Variants in FANCB observed in about 807,000 individuals in gnomAD.
FANCB encodes the protein Fanconi anemia group B protein.
A neutral mutation model predicts 38.9 loss-of-function variants in FANCB; 5 were observed. The ratio of observed to expected loss-of-function variants is 0.13; its 90% CI spans 0.07 to 0.27. The LOEUF (loss-of-function observed/expected upper bound fraction) is 0.27. Ranked by LOEUF, FANCB falls within the 10% of genes least tolerant of loss-of-function variation. FANCB has a pLI of 1.00. For synonymous variants in FANCB, 236 were observed against 215.4 expected (o/e 1.10, Z -0.84); for missense variants, 573 against 602.7 (o/e 0.95, Z 0.52).
chrX:14,860,264 C>A (rs1351356593), intron 3 of FANCB, among the ~76,000 whole-genome samples: 1 of 112,019 alleles, frequency 8.9e-6, no homozygotes, highest in Non-Finnish European at 1.9e-5. Flanking sequence ...GAAAGTAAGG[C>A]TCTTCAACCC....
chrX:14,756,312 A>G, the FANCB span, among the ~76,000 whole-genome samples: 7 of 112,136 alleles, frequency 6.2e-5, no homozygotes, highest in South Asian at 1.8e-3. Flanking sequence ...AAAAGCAAAT[A>G]TAGACAAACA....
the FANCB span, among the ~76,000 whole-genome samples, chrX:14,804,987 C>T: frequency 8.9e-6 from 1 of 111,846 alleles, no homozygotes; most frequent in East Asian, 2.8e-4. Context: ...ACTAAACTTA[C>T]GTTTCCCTAA....
chrX:14,864,534 A>AATC (rs979548517), intron 3 of FANCB, 26 bp downstream of exon 3: 5 of 978,800 alleles, frequency 5.1e-6, no homozygotes, highest in Non-Finnish European at 7.3e-6. Context: ...CCACCAACTG[A>AATC]ATTATTATTA....
chrX:14,810,960 C>T, the FANCB span, among the ~76,000 whole-genome samples: 26 of 112,107 alleles, frequency 2.3e-4, no homozygotes, highest in African/African-American at 5.5e-4. Context: ...AGACTAACAG[C>T]GGATCTCTCG....
the FANCB span, among the ~76,000 whole-genome samples, chrX:14,741,273 T>C: frequency 9.0e-6 from 1 of 111,526 alleles, no homozygotes; most frequent in African/African-American, 3.3e-5. Flanking sequence ...GATAAACATT[T>C]TCTAAAGTGT....
At chrX:14,720,699 A>G in the FANCB span, among the ~76,000 whole-genome samples, 8 of 111,822 alleles carry the variant, frequency 7.2e-5, no homozygotes, top group East Asian at 2.2e-3. Context: ...TTCTTTTTCT[A>G]TAAGAAGGGG....
the FANCB span, chrX:14,730,891 TACACACACACACACACACACACACACAC>T: frequency 0.02 from 1,940 of 97,798 alleles, 55 homozygotes; most frequent in African/African-American, 0.079. Flanking sequence ...AAGTTAGCTA[TACACACACACACACACACACACACACAC>T]ACACACACAC....
chrX:14,715,668 G>C, the FANCB span, among the ~76,000 whole-genome samples: 1 of 111,482 alleles, frequency 9.0e-6, no homozygotes, highest in Non-Finnish European at 1.9e-5. Flanking sequence ...TAAAAGACTT[G>C]AAGGAGTTTA....
the FANCB span, among the ~76,000 whole-genome samples, chrX:14,735,543 G>C: frequency 8.9e-6 from 1 of 112,108 alleles, no homozygotes; most frequent in Admixed American, 9.4e-5. Context: ...GACCCTGTTT[G>C]CCTGGGTATC....
At chrX:14,804,366 C>G in the FANCB span, among the ~76,000 whole-genome samples, 2 of 111,976 alleles carry the variant, frequency 1.8e-5, no homozygotes, top group Middle Eastern at 4.6e-3. Flanking sequence ...CCATCATTCT[C>G]AGCAAACTAT....
At chrX:14,830,897 A>C in the FANCB span, among the ~76,000 whole-genome samples, 1 of 112,836 alleles carries the variant, frequency 8.9e-6, no homozygotes, top group Non-Finnish European at 1.9e-5. Context: ...ACTTTAAATT[A>C]TCTGTATTCT....
chrX:14,696,172 A>AAGGGAGGGAGAGTGGG, the FANCB span, among the ~76,000 whole-genome samples: 2 of 96,789 alleles, frequency 2.1e-5, no homozygotes, highest in Non-Finnish European at 4.1e-5. Context: ...AAAGGAGAAG[A>AAGGGAGGGAGAGTGGG]AGGGAGGGAG....
chrX:14,742,286 G>C, the FANCB span, among the ~76,000 whole-genome samples: 1 of 111,611 alleles, frequency 9.0e-6, no homozygotes, highest in Non-Finnish European at 1.9e-5. Context: ...ATTCTAGGTA[G>C]AGAAAGTTTA....
chrX:14,842,302 T>C (rs1427578620), downstream of FANCB, among the ~76,000 whole-genome samples: 1 of 111,737 alleles, frequency 8.9e-6, no homozygotes, highest in Admixed American at 9.5e-5. Flanking sequence ...ACTAATAACC[T>C]ATATTCTCTA....
the FANCB span, among the ~76,000 whole-genome samples, chrX:14,706,809 A>G: frequency 1.8e-5 from 2 of 112,234 alleles, no homozygotes; most frequent in African/African-American, 6.5e-5. Context: ...CATTGTAGTA[A>G]AACAATAATT....
the FANCB span, among the ~76,000 whole-genome samples, chrX:14,812,543 A>T: frequency 2.7e-5 from 3 of 109,459 alleles, no homozygotes; most frequent in African/African-American, 6.7e-5. Context: ...ACACCTCTAC[A>T]CAAATAAACT....
At chrX:14,825,111 C>T in the FANCB span, among the ~76,000 whole-genome samples, 3 of 112,144 alleles carry the variant, frequency 2.7e-5, no homozygotes, top group African/African-American at 9.7e-5. Context: ...TCTTTGAAGG[C>T]AATCTTCTCC....
chrX:14,700,513 T>C, the FANCB span, among the ~76,000 whole-genome samples: 2 of 111,204 alleles, frequency 1.8e-5, no homozygotes, highest in Non-Finnish European at 3.8e-5. Flanking sequence ...AAAAGAAACA[T>C]ATTCAGGAAG....
chrX:14,770,351 T>C, the FANCB span, among the ~76,000 whole-genome samples: 2 of 112,238 alleles, frequency 1.8e-5, no homozygotes, highest in African/African-American at 6.5e-5. Context: ...ATATTTAGGA[T>C]AGTTAGCTCT....
Sources: gnomAD v4.1 joint callset for allele counts (sites outside exome capture counted in the v4.1 genomes callset) on GRCh38, gnomAD v4.1.1 for gene constraint, MANE v1.5 for transcripts, NCBI Gene and HGNC (gene_info 2026-07-23, HGNC 2026-07-21) for gene names.